Variants in SERGEF observed in about 807,000 individuals in gnomAD.
SERGEF encodes secretion-regulating guanine nucleotide exchange factor.
A neutral mutation model predicts 50.0 loss-of-function variants in SERGEF; 51 were observed. The ratio of observed to expected loss-of-function variants is 1.02; its 90% CI spans 0.81 to 1.29. The LOEUF (loss-of-function observed/expected upper bound fraction) is 1.29, where lower values mean the gene tolerates loss of function less well. SERGEF is among the 50% of genes most tolerant of loss of function. The probability of loss-of-function intolerance (pLI) is 0.00; values close to 1 mark genes in which losing one functional copy is unlikely to be tolerated. For missense variants in SERGEF, 521 were observed against 557.0 expected, an observed-to-expected ratio of 0.94 and a Z score of 0.65; for synonymous variants, 205 against 212.4, an observed-to-expected ratio of 0.97 and a Z score of 0.30.
Position 17,882,272 on chromosome 11 carries a change from G to A in SERGEF, c.1012-4028C>T, listed in dbSNP as rs948933937. 5.9e-5 allele frequency among the ~76,000 whole-genome samples: 9 copies of A among 151,916 alleles called. No homozygotes were observed. In the East Asian group the frequency reaches 1.7e-3, roughly 29 times the overall value. On this transcript the variant is annotated intron_variant, in intron 9 of 10. Coordinates refer to ENST00000265965, the MANE Select transcript of SERGEF (RefSeq NM_012139.4). ...CTCTACTAAAAATACAAAAATAATT[G>A]GTGGGGCGTGGTGGCGGGTGCCTAT...
intron 9 of SERGEF, among the ~76,000 whole-genome samples, chr11:17,920,190 T>A (rs1439973069): frequency 6.6e-6 from 1 of 152,096 alleles, no homozygotes; most frequent in Non-Finnish European, 1.5e-5. Flanking sequence ...GAGATTGCAG[T>A]GAACCGAGAT....
chr11:17,841,512 A>T (rs1250173536), intron 10 of SERGEF, among the ~76,000 whole-genome samples: 1 of 152,104 alleles, frequency 6.6e-6, no homozygotes, highest in Non-Finnish European at 1.5e-5. Context: ...CTCTCACTCT[A>T]TCCAGCATGA....
At chr11:17,813,920 T>C (rs1590129949) in intron 10 of SERGEF, among the ~76,000 whole-genome samples, 1 of 152,360 alleles carries the variant, frequency 6.6e-6, no homozygotes, top group East Asian at 1.9e-4. Flanking sequence ...TTCCCTGAGA[T>C]GTAAACTCAG....
At position 17,972,184 on chromosome 11, in the gene SERGEF, T is replaced by G. The variant is rs190780387; in HGVS notation, c.845-12548A>C. Among the ~76,000 whole-genome samples, 100 of 152,362 alleles carry G rather than the reference T, an allele frequency of 6.6e-4. 1 individual carries two copies. The Middle Eastern group carries it at 0.017, about 26-fold the overall frequency. On this transcript the variant is annotated intron_variant, in intron 8 of 10. Coordinates refer to ENST00000265965, the MANE Select transcript of SERGEF (RefSeq NM_012139.4). ...TGTTGAAATGCTAACAAAAGCGATT[T>G]TATAAACTTAATTGACAAAGCAGCA... is the stretch of plus-strand genomic sequence containing the variant.
intron 10 of SERGEF, among the ~76,000 whole-genome samples, chr11:17,875,745 T>A (rs546051022): frequency 1.6e-4 from 24 of 152,380 alleles, no homozygotes; most frequent in African/African-American, 5.3e-4. Flanking sequence ...CTTTCCAAGT[T>A]GATTCATCTG....
chr11:17,895,787 C>A (rs961876177), intron 9 of SERGEF, among the ~76,000 whole-genome samples: 1 of 152,142 alleles, frequency 6.6e-6, no homozygotes, highest in Non-Finnish European at 1.5e-5. Flanking sequence ...TCCCTTTAGT[C>A]CTTTCCTATC....
chr11:17,865,387 C>CT (rs1288022437), intron 10 of SERGEF, among the ~76,000 whole-genome samples: 2 of 152,016 alleles, frequency 1.3e-5, no homozygotes, highest in African/African-American at 2.4e-5. Flanking sequence ...ATTCCTTCTA[C>CT]TTATCTTTTT....
At chr11:17,944,035 C>A (rs1277154927) in intron 9 of SERGEF, among the ~76,000 whole-genome samples, 3 of 152,296 alleles carry the variant, frequency 2.0e-5, no homozygotes, top group Non-Finnish European at 2.9e-5. Context: ...TCAAGCGGTT[C>A]TCCTGCCTCA....
intron 10 of SERGEF, among the ~76,000 whole-genome samples, chr11:17,821,708 C>G (rs535788330): frequency 2.0e-5 from 3 of 152,304 alleles, no homozygotes; most frequent in South Asian, 4.2e-4. Context: ...ATAGATTAAT[C>G]TCTCTATATT....
At chr11:17,871,239 A>T in intron 10 of SERGEF, among the ~76,000 whole-genome samples, 1 of 152,158 alleles carries the variant, frequency 6.6e-6, no homozygotes, top group East Asian at 1.9e-4. Flanking sequence ...AGAGTAAGCC[A>T]CACGAGGTCA....
intron 2 of SERGEF, among the ~76,000 whole-genome samples, 191 bp from the exon 3 acceptor site, chr11:18,006,937 T>C (rs1056955866): frequency 1.3e-5 from 2 of 152,194 alleles, no homozygotes; most frequent in African/African-American, 2.4e-5. Context: ...AACTAATACC[T>C]ACAGAGAAAC....
intron 10 of SERGEF, among the ~76,000 whole-genome samples, chr11:17,875,156 A>G (rs1322905484): frequency 6.6e-6 from 1 of 152,198 alleles, no homozygotes; most frequent in Non-Finnish European, 1.5e-5. Context: ...GCTCTTCTTA[A>G]CTACTACCCA....
intron 4 of SERGEF, 181 bp from the exon 5 acceptor site, chr11:18,000,738 A>T: frequency 1.4e-6 from 1 of 698,816 alleles, no homozygotes; most frequent in East Asian, 2.7e-5. Context: ...AGAAAAAAAT[A>T]TATCTTTTAA....
intron 1 of SERGEF, among the ~76,000 whole-genome samples, chr11:18,011,099 C>G (rs899436781): frequency 9.9e-5 from 15 of 151,856 alleles, no homozygotes; most frequent in African/African-American, 3.6e-4. Flanking sequence ...TTCTTCCTCA[C>G]AAACACTCCA....
chr11:17,830,906 G>T (rs961667208), intron 10 of SERGEF, among the ~76,000 whole-genome samples: 2 of 151,992 alleles, frequency 1.3e-5, no homozygotes, highest in Non-Finnish European at 1.5e-5. Flanking sequence ...ACCATTTACT[G>T]GTTTTCAGTG....
intron 9 of SERGEF, 87 bp downstream of exon 9, chr11:17,959,383 G>A (rs986365121): frequency 6.4e-6 from 8 of 1,241,650 alleles, no homozygotes; most frequent in Middle Eastern, 2.1e-4. Context: ...TATCCATAAC[G>A]CCTGGCACAC....
At chr11:17,998,436 CAT>C (rs1853884923) in intron 5 of SERGEF, among the ~76,000 whole-genome samples, 1 of 46,264 alleles carries the variant, frequency 2.2e-5, no homozygotes, top group East Asian at 6.4e-4. Flanking sequence ...TACATACATA[CAT>C]ACATATATAT....
intron 10 of SERGEF, among the ~76,000 whole-genome samples, chr11:17,821,786 T>C (rs1850089951): frequency 6.6e-6 from 1 of 152,230 alleles, no homozygotes; most frequent in Admixed American, 6.5e-5. Context: ...TGTGTATATG[T>C]GTCCATCTCA....
At chr11:17,876,181 A>G (rs190879270) in intron 10 of SERGEF, among the ~76,000 whole-genome samples, 5 of 152,348 alleles carry the variant, frequency 3.3e-5, no homozygotes, top group African/African-American at 1.2e-4. Context: ...ATATGTGCAG[A>G]GCCCTGTGCC....
Sources: gnomAD v4.1 joint callset for allele counts (sites outside exome capture counted in the v4.1 genomes callset) on GRCh38, gnomAD v4.1.1 for gene constraint, MANE v1.5 for transcripts, NCBI Gene and HGNC (gene_info 2026-07-23, HGNC 2026-07-21) for gene names.